The following IGFBPL1 variants were observed in gnomAD, a reference collection of about 807,000 sequenced individuals.
The protein encoded by IGFBPL1 is insulin-like growth factor-binding protein-like 1.
IGFBPL1 carries 20 observed loss-of-function variants against 23.9 expected under a neutral mutation model. The ratio of observed to expected loss-of-function variants is 0.84; its 90% CI spans 0.59 to 1.22. IGFBPL1 has a LOEUF of 1.22. Among genes scored for constraint, IGFBPL1 ranks in the 50% most tolerant of loss-of-function variants. IGFBPL1 has a pLI of 0.00. For missense variants in IGFBPL1, 436 were observed against 379.3 expected (o/e 1.15, Z -1.24); for synonymous variants, 184 against 171.8 (o/e 1.07, Z -0.56).
At chr9:38,411,014 G>C (rs1355946119) in intron 4 of IGFBPL1, among the ~76,000 whole-genome samples, 1 of 152,222 alleles carries the variant, frequency 6.6e-6, no homozygotes, top group South Asian at 2.1e-4. Context: ...AGGAAGCTCA[G>C]GCATCTTCTT....
In IGFBPL1 at chr9:38,413,130, A is replaced by T. The variant is rs558392990; in HGVS notation, c.687+107T>A. The T allele has an allele frequency of 4.1e-5, 31 of 763,642 alleles. No individual in the cohort carries two copies. The African/African-American group carries it at 4.7e-4, about 12-fold the overall frequency. The allele number at this position is 763,642 out of a possible 1,614,324, so 47.3% of individuals were successfully genotyped here. On this transcript the variant is annotated intron_variant, in intron 3 of 4. Coordinates refer to ENST00000377694, the MANE Select transcript of IGFBPL1 (RefSeq NM_001007563.3). ...CTGCCTCACAGTTACTGGAGGGGCC[A>T]GTGAGAAATGGGTAAGAACAGCTTT... is the stretch of plus-strand genomic sequence containing the variant.
chr9:38,414,657 G>T lies in IGFBPL1; in HGVS notation c.461-454C>A, dbSNP rs573573686. On this transcript the variant is annotated intron_variant, in intron 1 of 4. Transcript: ENST00000377694. ...CGTGGAGGGTGTTAGGAAGAAGAAT[G>T]CCAGGAAGAACAGCTGCACACACCC... is the stretch of plus-strand genomic sequence containing the variant. Among the ~76,000 whole-genome samples, 3 of 152,254 alleles carry T rather than the reference G, an allele frequency of 2.0e-5. No individual in the cohort carries two copies. The East Asian group carries it at 5.8e-4, about 29-fold the overall frequency.
intron 3 of IGFBPL1, among the ~76,000 whole-genome samples, chr9:38,412,970 C>T (rs141293909): frequency 3.0e-4 from 46 of 152,324 alleles, no homozygotes; most frequent in Non-Finnish European, 5.6e-4. Flanking sequence ...CAACCACAAC[C>T]TCCCTCCCAC....
intron 4 of IGFBPL1, among the ~76,000 whole-genome samples, chr9:38,410,233 A>C (rs1357959367): frequency 6.6e-6 from 1 of 152,166 alleles, no homozygotes; most frequent in African/African-American, 2.4e-5. Context: ...CTGTAATCCC[A>C]GTACTTTGGG....
rs1436705103 is a variant in IGFBPL1 at position 38,408,354 on chromosome 9, G to C, written c.*873C>G. On this transcript the variant is annotated 3_prime_UTR_variant, in exon 5 of 5. Transcript: ENST00000377694. ...GAGGTGGAACGATCACTCGAGCCCA[G>C]AAAGTGGAGGTTGCAGTGAGCCATG... Among the ~76,000 whole-genome samples the C allele has an allele frequency of 1.3e-5, 2 of 151,264 alleles. No homozygotes were observed. Among genetic ancestry groups the C allele is most frequent in the Admixed American group, 6.6e-5 (1 of 15,184 alleles).
At chr9:38,419,976 A>G (rs1821657322) in intron 1 of IGFBPL1, among the ~76,000 whole-genome samples, 1 of 151,770 alleles carries the variant, frequency 6.6e-6, no homozygotes, top group Non-Finnish European at 1.5e-5. Context: ...TGTAGCCTCG[A>G]ACTCCTGGGC....
At chr9:38,420,157 C>A (rs986905195) in intron 1 of IGFBPL1, among the ~76,000 whole-genome samples, 1 of 152,200 alleles carries the variant, frequency 6.6e-6, no homozygotes, top group Non-Finnish European at 1.5e-5. Context: ...TCCCAAAGTG[C>A]AGAATGAAGC....
rs1011532867 is a variant in IGFBPL1, at chr9:38,420,484, G to A, written c.460+3481C>T. On this transcript the variant is annotated intron_variant, in intron 1 of 4. Transcript: ENST00000377694. The stretch of plus-strand genomic sequence containing the variant: ...CCCCCAAGATTCAAGGCTGGCGGGT[G>A]CACAGCACCTTACTGATCAGGTTGC... Among the ~76,000 whole-genome samples, 4 of 152,236 alleles carry A rather than the reference G, an allele frequency of 2.6e-5. No homozygotes were observed. The East Asian group carries it at 7.7e-4, about 29-fold the overall frequency.
chr9:38,416,768 G>C (rs1821604727), intron 1 of IGFBPL1, among the ~76,000 whole-genome samples: 1 of 151,660 alleles, frequency 6.6e-6, no homozygotes, highest in Non-Finnish European at 1.5e-5. Context: ...TTGAACTCCA[G>C]GGCTCAAGCA....
rs374382045 is a variant in IGFBPL1, at chr9:38,411,390, C to T, written c.*9+1G>A. ...TACTGAAAATGACTTAGAACATGTA[C>T]ATTTCTCCATCACATGCGGTCATCG... On this transcript the variant is annotated splice_donor_variant, in intron 4 of 4. Coordinates refer to ENST00000377694, the MANE Select transcript of IGFBPL1 (RefSeq NM_001007563.3). LOFTEE classifies it low-confidence loss of function (3UTR_SPLICE). The T allele has an allele frequency of 6.8e-6, 11 of 1,611,334 alleles. No homozygotes were observed. The African/African-American group carries it at 1.3e-4, about 20-fold the overall frequency.
intron 1 of IGFBPL1, among the ~76,000 whole-genome samples, chr9:38,418,241 A>T (rs1396799275): frequency 6.6e-6 from 1 of 152,190 alleles, no homozygotes; most frequent in Non-Finnish European, 1.5e-5. Flanking sequence ...GGCAGGAAGG[A>T]CAGCGTGGCA....
rs1821464996 is a variant in IGFBPL1 at position 38,408,540 on chromosome 9, C to A, written c.*687G>T. Among the ~76,000 whole-genome samples the A allele has an allele frequency of 6.6e-6, 1 of 152,204 alleles. No individual in the cohort carries two copies. The highest frequency in any genetic ancestry group is 1.5e-5 in the Non-Finnish European group (1 of 68,030). Reference sequence around the variant, plus strand: ...TAAAGCATCCCACCTAAAACTAAATCTCCTTCAAAGGGAAAAAGTTAGGAA... The same window carrying A: ...TAAAGCATCCCACCTAAAACTAAATATCCTTCAAAGGGAAAAAGTTAGGAA... On this transcript the variant is annotated 3_prime_UTR_variant, in exon 5 of 5. Coordinates refer to ENST00000377694, the MANE Select transcript of IGFBPL1 (RefSeq NM_001007563.3).
chr9:38,415,478 A>C (rs952653079), intron 1 of IGFBPL1, among the ~76,000 whole-genome samples: 1 of 152,148 alleles, frequency 6.6e-6, no homozygotes, highest in Non-Finnish European at 1.5e-5. Context: ...AGGGTGCAGA[A>C]AGGAGACTAG....
In IGFBPL1 at chr9:38,413,203, C is replaced by T. The variant is rs768734256; in HGVS notation, c.687+34G>A. 5 of 1,271,324 alleles carry T rather than the reference C, an allele frequency of 3.9e-6. No individual in the cohort carries two copies. The East Asian group carries it at 1.2e-4, about 29-fold the overall frequency. 78.8% of individuals were successfully genotyped at this position (1,271,324 alleles called of 1,614,324 possible). On this transcript the variant is annotated intron_variant, in intron 3 of 4. Coordinates refer to ENST00000377694, the MANE Select transcript of IGFBPL1 (RefSeq NM_001007563.3). ...AATATAAAGGATGGTTTATAATGGT[C>T]AGTCAATAATATCCAATAATCCTAA...
At chr9:38,416,619 G>C (rs571392747) in intron 1 of IGFBPL1, among the ~76,000 whole-genome samples, 1 of 151,938 alleles carries the variant, frequency 6.6e-6, no homozygotes, top group Admixed American at 6.6e-5. Flanking sequence ...ATACAGAACA[G>C]TTGTTCTGTG....
Position 38,424,299 on chromosome 9 carries a change from C to T in IGFBPL1, c.126G>A (p.Arg42=). The T allele has an allele frequency of 4.0e-6, 5 of 1,262,306 alleles. No homozygotes were observed. Among genetic ancestry groups the T allele is most frequent in the Non-Finnish European group, 4.1e-6 (4 of 971,898 alleles). 78.2% of individuals were successfully genotyped at this position (1,262,306 alleles called of 1,614,324 possible). Residue 42 remains arginine (R), a synonymous_variant, in exon 1 of 5, where the codon CGG becomes CGA. Transcript: ENST00000377694. ...GGRRPKCGPC[R]PEGCPAPAPC... is the part of the protein sequence containing the mutation. The stretch of plus-strand genomic sequence containing the variant: ...GCGCAGGCGCCGGGCAGCCCTCTGG[C>T]CGGCACGGACCACACTTGGGGCGCC...
Position 38,424,078 on chromosome 9 carries a change from C to T in IGFBPL1, c.347G>A (p.Gly116Asp). The change falls in exon 1 of 5, where the codon GGC (glycine) becomes GAC (aspartate). Residue 116 changes from glycine to aspartate, a missense_variant. Gly to Asp is a moderately conservative substitution (Grantham distance 94). Coordinates refer to ENST00000377694, the MANE Select transcript of IGFBPL1 (RefSeq NM_001007563.3). ...GCTGGGGTACGAGCGACCGTCGGAG[C>T]CGCAGACGGTGCCGCGCTGCGCGCA... ...CVCAQRGTVC[G>D]SDGRSYPSVC... The T allele has an allele frequency of 5.0e-6, 7 of 1,394,942 alleles. No homozygotes were observed. The highest frequency in any genetic ancestry group is 6.5e-6 in the Non-Finnish European group (7 of 1,079,904). The allele number at this position is 1,394,942 out of a possible 1,614,324, so 86.4% of individuals were successfully genotyped here. A position where few individuals can be genotyped will look rare whatever the true frequency, so the allele number is the denominator to read the frequency against.
chr9:38,424,446 G>T lies in IGFBPL1; in HGVS notation c.-22C>A. ...GCATGGCTTGCTCCGGGACAGCGGC[G>T]GCGCCTCTGCTTCGCGCTCCGCTCC... On this transcript the variant is annotated 5_prime_UTR_variant, in exon 1 of 5. Coordinates refer to ENST00000377694, the MANE Select transcript of IGFBPL1 (RefSeq NM_001007563.3). 1.9e-6 allele frequency: 1 copy of T among 518,168 alleles called. No homozygotes were observed. The allele number at this position is 518,168 out of a possible 1,614,324, so 32.1% of individuals were successfully genotyped here. A position where few individuals can be genotyped will look rare whatever the true frequency, so the allele number is the denominator to read the frequency against.
chr9:38,420,604 C>T (rs10814690), intron 1 of IGFBPL1, among the ~76,000 whole-genome samples: 34,525 of 151,922 alleles, frequency 0.23, 4,432 homozygotes, highest in African/African-American at 0.34. Flanking sequence ...GAGGCCGAGG[C>T]GGGCAGATCA....
Sources: gnomAD v4.1 joint callset for allele counts (sites outside exome capture counted in the v4.1 genomes callset) on GRCh38, gnomAD v4.1.1 for gene constraint, MANE v1.5 for transcripts, NCBI Gene and HGNC (gene_info 2026-07-23, HGNC 2026-07-21) for gene names.